The following AANAT variants were observed in gnomAD, a reference collection of about 807,000 sequenced individuals.
The protein encoded by AANAT is aralkylamine N-acetyltransferase, also known as serotonin N-acetyltransferase.
In AANAT, 11 loss-of-function variants were observed where a neutral mutation model predicts 15.6. The ratio of observed to expected loss-of-function variants is 0.71; its 90% confidence interval spans 0.44 to 1.17. AANAT has a LOEUF of 1.17. Ranked by LOEUF, AANAT falls within the 50% of genes most tolerant of loss-of-function variation. The probability of loss-of-function intolerance (pLI) is 0.00; values close to 1 mark genes in which losing one functional copy is unlikely to be tolerated. For missense variants in AANAT, 286 were observed against 296.3 expected, an observed-to-expected ratio of 0.97 and a Z score of 0.26; for synonymous variants, 139 against 131.5, an observed-to-expected ratio of 1.06 and a Z score of -0.39.
chr17:76,469,606 T>G lies in AANAT; in HGVS notation c.319-59T>G, dbSNP rs530167582. 1 of 1,421,286 alleles carries G rather than the reference T, an allele frequency of 7.0e-7. No individual in the cohort carries two copies. The highest frequency in any genetic ancestry group is 9.2e-7 in the Non-Finnish European group (1 of 1,087,586). The allele number at this position is 1,421,286 out of a possible 1,614,324, so 88.0% of individuals were successfully genotyped here. A position where few individuals can be genotyped will look rare whatever the true frequency, so the allele number is the denominator to read the frequency against. ...CCTGCTCCCTGCCTGGGTTGGTGGTTGGGGGGGAGCACGTGTCAGCAGAAG... is the reference window on the plus strand; with the variant it reads ...CCTGCTCCCTGCCTGGGTTGGTGGTGGGGGGGGAGCACGTGTCAGCAGAAG... On this transcript the variant is annotated intron_variant, in intron 3 of 3. Transcript: ENST00000392492. The surrounding 1 kb of genome is among the most constrained non-coding windows in gnomAD (Gnocchi z 5.2).
chr17:76,463,057 G>T (rs2143969106), upstream of AANAT, among the ~76,000 whole-genome samples: 1 of 152,300 alleles, frequency 6.6e-6, no homozygotes, highest in Admixed American at 6.5e-5. Flanking sequence ...CAGGTCCAGG[G>T]CTTCTGCACT....
rs774665089 is a variant in AANAT, at chr17:76,469,883, C to A, written c.537C>A (p.Cys179Ter). 6.3e-7 allele frequency: 1 copy of A among 1,582,392 alleles called. No individual in the cohort carries two copies. Among genetic ancestry groups the A allele is most frequent in the East Asian group, 2.3e-5 (1 of 43,394 alleles). The part of the protein sequence containing the change: ...ERFSFHAVGP[C>*]AITVGSLTFM... The stretch of plus-strand genomic sequence containing the variant: ...TCAGCTTCCACGCCGTGGGCCCCTG[C>A]GCCATCACCGTGGGCTCCCTCACCT... Residue 179 changes from cysteine (C) to a stop codon, truncating the protein, a stop_gained, in exon 4 of 4, where the codon TGC becomes TGA. Coordinates refer to ENST00000392492, the MANE Select transcript of AANAT (RefSeq NM_001088.3). LOFTEE classifies it high-confidence loss of function. The surrounding 1 kb of genome is among the most constrained non-coding windows in gnomAD (Gnocchi z 5.2).
At chr17:76,461,605 CAAAAAAAAAAAA>C (rs10578887) in intron 2 of AANAT, among the ~76,000 whole-genome samples, 1 of 52,872 alleles carries the variant, frequency 1.9e-5, no homozygotes, top group African/African-American at 8.3e-5. Context: ...GAGCCTCCAC[CAAAAAAAAAAAA>C]AAAAAAAAAA....
At chr17:76,467,593 G>C, upstream of AANAT, 3 of 985,518 alleles carry the variant, frequency 3.0e-6, no homozygotes, top group African/African-American at 1.7e-5. Flanking sequence ...AGCACCACAG[G>C]CTGCCCGGGG....
Position 76,469,408 on chromosome 17 carries a change from G to T in AANAT, c.318+81G>T, listed in dbSNP as rs565511651. 24 of 1,569,032 alleles carry T rather than the reference G, an allele frequency of 1.5e-5. No individual in the cohort carries two copies. In the Admixed American group the frequency reaches 3.8e-4, roughly 25 times the overall value. Reference sequence around the variant, plus strand: ...GCCAGATGGCGGGGAGGGGAGCCCAGGGGCTGGGATTTCTTCCTCCAGAAC... The same window carrying T: ...GCCAGATGGCGGGGAGGGGAGCCCATGGGCTGGGATTTCTTCCTCCAGAAC... On this transcript the variant is annotated intron_variant, in intron 3 of 3. Transcript: ENST00000392492. The surrounding 1 kb of genome is among the most constrained non-coding windows in gnomAD (Gnocchi z 5.2).
upstream of AANAT, among the ~76,000 whole-genome samples, chr17:76,463,659 TGA>T (rs1037523202): frequency 3.9e-5 from 6 of 152,118 alleles, no homozygotes; most frequent in Non-Finnish European, 8.8e-5. Flanking sequence ...TGGCAGAATC[TGA>T]GATCTGTTCT....
At chr17:76,454,239 G>A (rs912406802) in intron 1 of AANAT, among the ~76,000 whole-genome samples, 1 of 152,152 alleles carries the variant, frequency 6.6e-6, no homozygotes, top group Non-Finnish European at 1.5e-5. Context: ...TACTTTGGGA[G>A]GCTGAGGTGG....
chr17:76,462,660 T>TC (rs1444471497), upstream of AANAT, among the ~76,000 whole-genome samples: 1 of 151,732 alleles, frequency 6.6e-6, no homozygotes, highest in Non-Finnish European at 1.5e-5. Context: ...CCATCTCTCA[T>TC]CCCCCGGGGA....
chr17:76,458,987 C>A (rs12951513), intron 1 of AANAT, among the ~76,000 whole-genome samples: 1 of 152,164 alleles, frequency 6.6e-6, no homozygotes, highest in Admixed American at 6.5e-5. Flanking sequence ...GGAGTTAAAA[C>A]GGCCCTTCTC....
rs2073510156 is a variant in AANAT, at chr17:76,470,084, T to A, written c.*114T>A. The A allele has an allele frequency of 8.4e-7, 1 of 1,189,366 alleles. No homozygotes were observed. Among genetic ancestry groups the A allele is most frequent in the South Asian group, 1.8e-5 (1 of 55,386 alleles). The allele number at this position is 1,189,366 out of a possible 1,614,324, so 73.7% of individuals were successfully genotyped here. A position where few individuals can be genotyped will look rare whatever the true frequency, so the allele number is the denominator to read the frequency against. ...AGAGAGTGGAGAGAGCAGGGCTAAA[T>A]AAAGAGGAGATAAGGTGGCTTCTCA... On this transcript the variant is annotated 3_prime_UTR_variant, in exon 4 of 4. Transcript: ENST00000392492.
rs182089470 is a variant in AANAT at position 76,455,020 on chromosome 17, G to A, written c.-576+1238G>A. On this transcript the variant is annotated intron_variant, in intron 1 of 6. Coordinates refer to the AANAT transcript ENST00000250615. Reference sequence around the variant, plus strand: ...CAGCCGCCTGTAATCCCAGCTACTCGGAAGGCTGAGGCAGGAGAATCACTT... The same window carrying A: ...CAGCCGCCTGTAATCCCAGCTACTCAGAAGGCTGAGGCAGGAGAATCACTT... Among the ~76,000 whole-genome samples the A allele has an allele frequency of 3.3e-5, 5 of 152,172 alleles. No individual in the cohort carries two copies. In the East Asian group the frequency reaches 7.7e-4, roughly 24 times the overall value.
rs375725101 is a variant in AANAT, at chr17:76,469,853, G to A, written c.507G>A (p.Glu169=). 2.1e-5 allele frequency: 34 copies of A among 1,603,874 alleles called. No homozygotes were observed. The African/African-American group carries it at 4.1e-4, about 20-fold the overall frequency. ...AGGACGCGCTGGTACCCTTCTATGA[G>A]AGGTTCAGCTTCCACGCCGTGGGCC... ...MCEDALVPFY[E]RFSFHAVGPC... The change falls in exon 4 of 4, where the codon GAG becomes GAA. Residue 169 remains glutamate (E), a synonymous_variant. Transcript: ENST00000392492. This position sits in a 1 kb window ranked among gnomAD's most constrained non-coding sequence, Gnocchi z 5.2.
At chr17:76,468,514 G>A (rs1318505367) in intron 1 of AANAT, 158 bp from the exon 2 acceptor site, 3 of 647,624 alleles carry the variant, frequency 4.6e-6, no homozygotes, top group South Asian at 2.0e-5. Context: ...GCAATGCCTG[G>A]TAACAGCCTC....
Position 76,462,482 on chromosome 17 carries a change from T to C in AANAT, c.-291+2T>C, listed in dbSNP as rs887898069. ...CCAAGGTTGATGCAGGACAAAGAGG[T>C]GGGTCCAGAAGGGCTTCCCAAGTCT... is the stretch of plus-strand genomic sequence containing the variant. On this transcript the variant is annotated splice_donor_variant, in intron 3 of 6. Coordinates refer to the AANAT transcript ENST00000250615. LOFTEE classifies it low-confidence loss of function (5UTR_SPLICE). 6.6e-6 allele frequency: 1 copy of C among 151,746 alleles called. No individual in the cohort carries two copies. The highest frequency in any genetic ancestry group is 2.4e-5 in the African/African-American group (1 of 41,244). 9.4% of individuals were successfully genotyped at this position (151,746 alleles called of 1,614,324 possible).
intron 2 of AANAT, among the ~76,000 whole-genome samples, chr17:76,461,409 G>A (rs1389492991): frequency 6.6e-6 from 1 of 151,566 alleles, no homozygotes; most frequent in Non-Finnish European, 1.5e-5. Flanking sequence ...TCTGTAAGGG[G>A]CACAAAGCCT....
At chr17:76,468,478 A>G in intron 1 of AANAT, 194 bp from the exon 2 acceptor site, 1 of 587,832 alleles carries the variant, frequency 1.7e-6, no homozygotes, top group South Asian at 2.2e-5. Context: ...CTGAGAGGGA[A>G]AGGTGGGGAG....
At position 76,469,726 on chromosome 17, in the gene AANAT, A is replaced by G. The variant is rs758353916; in HGVS notation, c.380A>G (p.His127Arg). Residue 127 changes from histidine to arginine, a missense_variant, in exon 4 of 4, where the codon CAC becomes CGC. Transcript: ENST00000392492. The surrounding 1 kb of genome is among the most constrained non-coding windows in gnomAD (Gnocchi z 5.2). ...HIAHLHVLAV[H>R]RAFRQQGRGP... is the part of the protein sequence containing the mutation. ...GCCCACCTGCATGTGCTGGCCGTGC[A>G]CCGCGCCTTCCGGCAGCAGGGCAGG... The G allele has an allele frequency of 3.2e-6, 5 of 1,553,686 alleles. No homozygotes were observed. In the African/African-American group the frequency reaches 6.8e-5, roughly 21 times the overall value.
At chr17:76,465,852 A>G (rs951417525), upstream of AANAT, 8 of 308,490 alleles carry the variant, frequency 2.6e-5, no homozygotes, top group South Asian at 1.7e-4. Flanking sequence ...TTTAAAAAAA[A>G]TTTATTTTTA....
In AANAT at chr17:76,468,809, C is replaced by T. The variant is rs145452101; in HGVS notation, c.63C>T (p.Pro21=). 1.2e-4 allele frequency: 198 copies of T among 1,613,512 alleles called. 1 individual carries two copies. In the East Asian group the frequency reaches 2.3e-3, roughly 19 times the overall value. ...CCCCACGTCTGCCACCTGGGATCCC[C>T]GAGTCCCCGAGCTGTCAGCGGCGCC... ...PEAPRLPPGI[P]ESPSCQRRHT... The change falls in exon 2 of 4, where the codon CCC becomes CCT. Residue 21 remains proline (P), a synonymous_variant. Coordinates refer to ENST00000392492, the MANE Select transcript of AANAT (RefSeq NM_001088.3).
Sources: gnomAD v4.1 joint callset for allele counts (sites outside exome capture counted in the v4.1 genomes callset) on GRCh38, gnomAD v4.1.1 for gene constraint, Gnocchi (gnomAD v3.1) non-coding constraint, MANE v1.5 for transcripts, NCBI Gene and HGNC (gene_info 2026-07-23, HGNC 2026-07-21) for gene names.